KHDRBS2: variants seen among roughly 807,000 people sequenced by gnomAD.
KHDRBS2 encodes KH domain-containing, RNA-binding, signal transduction-associated protein 2.
KHDRBS2 carries 26 observed loss-of-function variants against 44.3 expected under a neutral mutation model. The ratio of observed to expected loss-of-function variants is 0.59; its 90% CI spans 0.43 to 0.81. The LOEUF is 0.81. Ranked by LOEUF, KHDRBS2 falls within the 40% of genes least tolerant of loss-of-function variation. KHDRBS2 has a pLI of 0.00. For missense variants in KHDRBS2, 476 were observed against 433.1 expected (o/e 1.10, Z -0.88); for synonymous variants, 194 against 151.1 (o/e 1.28, Z -2.08).
chr6:62,284,445 A>G (rs1181957809), intron 1 of KHDRBS2, among the ~76,000 whole-genome samples: 1 of 152,156 alleles, frequency 6.6e-6, no homozygotes, highest in Admixed American at 6.5e-5. Context: ...AAACAATCTT[A>G]AACATCTATT....
intron 6 of KHDRBS2, among the ~76,000 whole-genome samples, chr6:61,808,138 T>A (rs958396478): frequency 2.9e-4 from 44 of 152,164 alleles, no homozygotes; most frequent in Non-Finnish European, 5.4e-4. Context: ...AAAATGATTT[T>A]AAATATATAA....
chr6:61,868,416 T>C (rs569565744), intron 6 of KHDRBS2, among the ~76,000 whole-genome samples: 3 of 152,060 alleles, frequency 2.0e-5, no homozygotes, highest in South Asian at 2.1e-4. Flanking sequence ...TAGGCTCCAG[T>C]TGGGAGATCC....
chr6:61,714,492 A>C (rs1771055847), intron 7 of KHDRBS2, among the ~76,000 whole-genome samples: 1 of 151,930 alleles, frequency 6.6e-6, no homozygotes, highest in Admixed American at 6.6e-5. Flanking sequence ...GATTTCTCAA[A>C]GAACTAAAAA....
the KHDRBS2 span, among the ~76,000 whole-genome samples, chr6:61,601,255 A>T: frequency 6.6e-6 from 1 of 150,672 alleles, no homozygotes. Flanking sequence ...GGGGGCAGGC[A>T]CCCCCCACCC....
the KHDRBS2 span, among the ~76,000 whole-genome samples, chr6:61,595,208 C>T: frequency 6.6e-6 from 1 of 152,120 alleles, no homozygotes; most frequent in Admixed American, 6.5e-5. Context: ...ATAAAGCAAT[C>T]CCATTGCTAG....
the KHDRBS2 span, among the ~76,000 whole-genome samples, chr6:61,660,570 T>C: frequency 1.3e-5 from 2 of 151,870 alleles, no homozygotes; most frequent in Non-Finnish European, 2.9e-5. Context: ...AACAGAAATG[T>C]ATCTTCCAAA....
intron 6 of KHDRBS2, among the ~76,000 whole-genome samples, chr6:61,829,732 T>C (rs1258060530): frequency 6.6e-6 from 1 of 152,142 alleles, no homozygotes; most frequent in Non-Finnish European, 1.5e-5. Flanking sequence ...TGCAAGCTAA[T>C]AGTGATATAT....
At chr6:62,195,516 T>C (rs1483591966) in intron 1 of KHDRBS2, among the ~76,000 whole-genome samples, 3 of 152,128 alleles carry the variant, frequency 2.0e-5, no homozygotes, top group African/African-American at 7.2e-5. Context: ...CAAACAAAAG[T>C]TCTCCCTTAG....
chr6:62,214,918 C>G (rs559473553), intron 1 of KHDRBS2, among the ~76,000 whole-genome samples: 1 of 152,038 alleles, frequency 6.6e-6, no homozygotes, highest in African/African-American at 2.4e-5. Context: ...CGTTCTTCTT[C>G]ATTTGACATT....
At chr6:61,617,018 T>A in the KHDRBS2 span, among the ~76,000 whole-genome samples, 2 of 152,112 alleles carry the variant, frequency 1.3e-5, no homozygotes, top group Non-Finnish European at 2.9e-5. Context: ...TGGAATGAGA[T>A]CACAAATAAA....
intron 6 of KHDRBS2, among the ~76,000 whole-genome samples, chr6:61,758,510 G>C (rs893106593): frequency 6.6e-6 from 1 of 151,846 alleles, no homozygotes; most frequent in Non-Finnish European, 1.5e-5. Context: ...CTTAGTAAAT[G>C]TTTGTGGAAT....
At chr6:61,698,007 C>T (rs1480698897) in intron 7 of KHDRBS2, among the ~76,000 whole-genome samples, 1 of 152,102 alleles carries the variant, frequency 6.6e-6, no homozygotes, top group African/African-American at 2.4e-5. Context: ...AAAGAAGTGA[C>T]TTTACTCACT....
chr6:62,171,272 A>G (rs1484624203), intron 2 of KHDRBS2, among the ~76,000 whole-genome samples: 1 of 152,156 alleles, frequency 6.6e-6, no homozygotes, highest in African/African-American at 2.4e-5. Context: ...AATGGACTAC[A>G]AAAATTTAAT....
chr6:62,029,318 G>A (rs2127290279), intron 3 of KHDRBS2, among the ~76,000 whole-genome samples: 1 of 151,518 alleles, frequency 6.6e-6, no homozygotes, highest in African/African-American at 2.4e-5. Context: ...ATTTGGATGG[G>A]GACTTTTTTT....
intron 2 of KHDRBS2, among the ~76,000 whole-genome samples, chr6:62,098,359 T>G (rs1281308652): frequency 1.3e-5 from 2 of 151,980 alleles, no homozygotes; most frequent in Non-Finnish European, 2.9e-5. Flanking sequence ...AGCTTTTGTC[T>G]GGGAAAGTAT....
At chr6:61,836,908 G>A (rs1159739947) in intron 6 of KHDRBS2, among the ~76,000 whole-genome samples, 1 of 152,042 alleles carries the variant, frequency 6.6e-6, no homozygotes, top group Non-Finnish European at 1.5e-5. Context: ...TATGCAGATA[G>A]AATGCTATTT....
At chr6:62,176,591 A>G (rs1209501100) in intron 2 of KHDRBS2, among the ~76,000 whole-genome samples, 1 of 151,306 alleles carries the variant, frequency 6.6e-6, no homozygotes, top group Non-Finnish European at 1.5e-5. Context: ...ATGTATGAAT[A>G]TAATTGATAA....
At chr6:62,254,426 C>A (rs1234991940) in intron 1 of KHDRBS2, among the ~76,000 whole-genome samples, 1 of 151,848 alleles carries the variant, frequency 6.6e-6, no homozygotes, top group African/African-American at 2.4e-5. Context: ...TCAATAAAAG[C>A]AAATATGATT....
chr6:61,739,962 T>C (rs1775913659), intron 6 of KHDRBS2, among the ~76,000 whole-genome samples: 1 of 151,964 alleles, frequency 6.6e-6, no homozygotes, highest in African/African-American at 2.4e-5. Context: ...ATGACTGTGT[T>C]TAACAATCAA....
Sources: allele counts gnomAD v4.1 joint callset (sites outside exome capture counted in the v4.1 genomes callset), GRCh38; gene constraint gnomAD v4.1.1; transcripts MANE v1.5; gene names NCBI Gene and HGNC (gene_info 2026-07-23, HGNC 2026-07-21).